Variants in RNF144B observed in about 807,000 individuals in gnomAD.
RNF144B encodes E3 ubiquitin-protein ligase RNF144B.
Under a neutral mutation model 40.2 loss-of-function variants are expected in RNF144B, and 25 were observed. That is an observed-to-expected ratio of 0.62 (90% CI 0.45 to 0.87). RNF144B has a LOEUF of 0.87. Among genes scored for constraint, RNF144B ranks in the 40% least tolerant of loss-of-function variants. The pLI is 0.00. For missense variants in RNF144B, 365 were observed against 373.7 expected (o/e 0.98, Z 0.19); for synonymous variants, 145 against 136.3 (o/e 1.06, Z -0.44).
At chr6:18,399,405 G>A (rs1488384184) in intron 1 of RNF144B, 94 bp from the exon 2 acceptor site, 3 of 869,504 alleles carry the variant, frequency 3.5e-6, no homozygotes, top group African/African-American at 3.4e-5. Flanking sequence ...GGATAACTGA[G>A]GGTGAGAATT....
In RNF144B at chr6:18,464,485, T is replaced by C. The variant is rs1759532871; in HGVS notation, c.772-442T>C. Among the ~76,000 whole-genome samples the C allele has an allele frequency of 1.3e-5, 2 of 152,208 alleles. No individual in the cohort carries two copies. The highest frequency in any genetic ancestry group is 2.9e-5 in the Non-Finnish European group (2 of 68,040). On this transcript the variant is annotated intron_variant, in intron 7 of 7. Transcript: ENST00000259939. The surrounding 1 kb of genome is among the most constrained non-coding windows in gnomAD (Gnocchi z 6.1). ...GTTCTGTGTGCCTGAGATGATGTCT[T>C]GTTCAGGCTGCTATAACAAATGACC...
chr6:18,400,272 CA>C lies in RNF144B; in HGVS notation c.165+590del, dbSNP rs11330587. 0.47 allele frequency among the ~76,000 whole-genome samples: 53,863 copies of C among 115,164 alleles called. 9,498 individuals carry two copies. The highest frequency in any genetic ancestry group is 0.56 in the South Asian group (2,154 of 3,836). The allele number at this position is 115,164 out of a possible 152,430, so 75.6% of individuals were successfully genotyped here. Reference sequence around the variant, plus strand: ...TGGGCGACAGAGCGAGACTCTGTCTCAAAAAAAAAAAAAAAAATTTAACATG... The same window carrying C: ...TGGGCGACAGAGCGAGACTCTGTCTCAAAAAAAAAAAAAAAATTTAACATG... On this transcript the variant is annotated intron_variant, in intron 2 of 7. Transcript: ENST00000259939. This position sits in a 1 kb window ranked among gnomAD's most constrained non-coding sequence, Gnocchi z 5.6.
Position 18,448,819 on chromosome 6 carries a change from A to G in RNF144B, c.332-8336A>G, listed in dbSNP as rs1010632463. ...TTCATTTTTATGCTGGTCACAACCTATTAAACTGATACCTCAATCCCCATT... is the reference window on the plus strand; with the variant it reads ...TTCATTTTTATGCTGGTCACAACCTGTTAAACTGATACCTCAATCCCCATT... On this transcript the variant is annotated intron_variant, in intron 4 of 7. Transcript: ENST00000259939. This position sits in a 1 kb window ranked among gnomAD's most constrained non-coding sequence, Gnocchi z 4.0. 1.3e-5 allele frequency among the ~76,000 whole-genome samples: 2 copies of G among 152,094 alleles called. No individual in the cohort carries two copies. The highest frequency in any genetic ancestry group is 2.4e-5 in the African/African-American group (1 of 41,414).
chr6:18,411,838 A>G (rs1297551900), intron 2 of RNF144B, among the ~76,000 whole-genome samples: 2 of 152,132 alleles, frequency 1.3e-5, no homozygotes, highest in Non-Finnish European at 2.9e-5. Flanking sequence ...ACTTACGCAC[A>G]TCACTTAATA....
intron 4 of RNF144B, among the ~76,000 whole-genome samples, chr6:18,455,052 T>C (rs1317260392): frequency 6.6e-6 from 1 of 152,250 alleles, no homozygotes; most frequent in Non-Finnish European, 1.5e-5. Context: ...ATACTAACCT[T>C]CATTTCTTTG....
chr6:18,457,055 T>C lies in RNF144B; in HGVS notation c.332-100T>C, dbSNP rs1257588383. On this transcript the variant is annotated intron_variant, in intron 4 of 7. Coordinates refer to ENST00000259939, the MANE Select transcript of RNF144B (RefSeq NM_182757.4). The surrounding 1 kb of genome is among the most constrained non-coding windows in gnomAD (Gnocchi z 5.1). ...CAGCCTGGGCGACAGAGTGAGACTC[T>C]GGTTCCAAATAAATTAAATAAATAA... 4 of 995,146 alleles carry C rather than the reference T, an allele frequency of 4.0e-6. No homozygotes were observed. The highest frequency in any genetic ancestry group is 6.4e-6 in the Non-Finnish European group (4 of 622,962). 61.6% of individuals were successfully genotyped at this position (995,146 alleles called of 1,614,324 possible). A position where few individuals can be genotyped will look rare whatever the true frequency, so the allele number is the denominator to read the frequency against.
rs771302398 is a variant in RNF144B, at chr6:18,459,636, C to G, written c.566C>G (p.Pro189Arg). Reference protein sequence around the residue: ...RALFGTDAEAPIKQCPVCRVY... With the variant: ...RALFGTDAEARIKQCPVCRVY... The stretch of plus-strand genomic sequence containing the variant: ...CTCTTTGGGACAGATGCAGAAGCCC[C>G]CATTAAGCAGTGCCCAGTTTGCCGG... Residue 189 changes from proline (P) to arginine (R), a missense_variant, in exon 6 of 8, where the codon CCC becomes CGC. Physicochemically the swap from Pro to Arg is moderately radical, Grantham distance 103. Coordinates refer to ENST00000259939, the MANE Select transcript of RNF144B (RefSeq NM_182757.4). The surrounding 1 kb of genome is among the most constrained non-coding windows in gnomAD (Gnocchi z 4.2). 2 of 1,613,786 alleles carry G rather than the reference C, an allele frequency of 1.2e-6. No homozygotes were observed. The highest frequency in any genetic ancestry group is 2.7e-5 in the African/African-American group (2 of 74,902).
At position 18,447,250 on chromosome 6, in the gene RNF144B, G is replaced by A. The variant is rs903179784; in HGVS notation, c.331+7506G>A. On this transcript the variant is annotated intron_variant, in intron 4 of 7. Transcript: ENST00000259939. The surrounding 1 kb of genome is among the most constrained non-coding windows in gnomAD (Gnocchi z 5.6). ...GTGAGCAAGCCATATGGATACTTAC[G>A]GGAAGAACATCATTTCAGGCAGAGG... Among the ~76,000 whole-genome samples, 2 of 152,048 alleles carry A rather than the reference G, an allele frequency of 1.3e-5. No homozygotes were observed. The highest frequency in any genetic ancestry group is 6.6e-5 in the Admixed American group (1 of 15,252).
At chr6:18,421,887 C>A (rs1758436986) in intron 2 of RNF144B, among the ~76,000 whole-genome samples, 1 of 152,108 alleles carries the variant, frequency 6.6e-6, no homozygotes. Flanking sequence ...AAACCAAGGT[C>A]TCTTTTAAAC....
At position 18,442,659 on chromosome 6, in the gene RNF144B, C is replaced by A. The variant is rs1313584030; in HGVS notation, c.331+2915C>A. 1.3e-5 allele frequency among the ~76,000 whole-genome samples: 2 copies of A among 152,170 alleles called. No individual in the cohort carries two copies. The highest frequency in any genetic ancestry group is 2.4e-5 in the African/African-American group (1 of 41,452). On this transcript the variant is annotated intron_variant, in intron 4 of 7. Transcript: ENST00000259939. The surrounding 1 kb of genome is among the most constrained non-coding windows in gnomAD (Gnocchi z 4.3). ...AGCCATCACCACTGCTTCTAAAGCTCTTTCATGATCCCAAATTCTGTAGCC... is the reference window on the plus strand; with the variant it reads ...AGCCATCACCACTGCTTCTAAAGCTATTTCATGATCCCAAATTCTGTAGCC...
rs1759373448 is a variant in RNF144B at position 18,458,195 on chromosome 6, C to G, written c.536+836C>G. On this transcript the variant is annotated intron_variant, in intron 5 of 7. Coordinates refer to ENST00000259939, the MANE Select transcript of RNF144B (RefSeq NM_182757.4). The surrounding 1 kb of genome is among the most constrained non-coding windows in gnomAD (Gnocchi z 4.8). ...TCAAGTGATCCACCCGCCTAGGCCT[C>G]CCAAAGTGCTAGGATTACAGACATA... Among the ~76,000 whole-genome samples, 1 of 152,128 alleles carries G rather than the reference C, an allele frequency of 6.6e-6. No homozygotes were observed. Among genetic ancestry groups the G allele is most frequent in the Non-Finnish European group, 1.5e-5 (1 of 68,032 alleles).
chr6:18,458,637 T>A lies in RNF144B; in HGVS notation c.537-970T>A, dbSNP rs1759386534. 6.6e-6 allele frequency among the ~76,000 whole-genome samples: 1 copy of A among 152,164 alleles called. No individual in the cohort carries two copies. On this transcript the variant is annotated intron_variant, in intron 5 of 7. Transcript: ENST00000259939. The surrounding 1 kb of genome is among the most constrained non-coding windows in gnomAD (Gnocchi z 4.8). ...TTTGCATTCTGACATTGTCACTCGGTATCTGTGTGTCTCATAGAAGCCACT... is the reference window on the plus strand; with the variant it reads ...TTTGCATTCTGACATTGTCACTCGGAATCTGTGTGTCTCATAGAAGCCACT...
At chr6:18,436,625 A>C (rs926179026) in intron 3 of RNF144B, among the ~76,000 whole-genome samples, 1 of 152,148 alleles carries the variant, frequency 6.6e-6, no homozygotes, top group Non-Finnish European at 1.5e-5. Flanking sequence ...GGTTGGCAGA[A>C]AGAAGATAAA....
Position 18,448,995 on chromosome 6 carries a change from A to G in RNF144B, c.332-8160A>G, listed in dbSNP as rs1759148418. On this transcript the variant is annotated intron_variant, in intron 4 of 7. Coordinates refer to ENST00000259939, the MANE Select transcript of RNF144B (RefSeq NM_182757.4). The surrounding 1 kb of genome is among the most constrained non-coding windows in gnomAD (Gnocchi z 4.0). ...AGGCACTGTGTTAAGTGTCTCGTTT[A>G]CAGTGTCTATTCAATCTTGAACATC... Among the ~76,000 whole-genome samples the G allele has an allele frequency of 6.6e-6, 1 of 152,222 alleles. No individual in the cohort carries two copies. Among genetic ancestry groups the G allele is most frequent in the South Asian group, 2.1e-4 (1 of 4,832 alleles).
chr6:18,396,614 C>T, intron 1 of RNF144B: 2 of 985,168 alleles, frequency 2.0e-6, no homozygotes, highest in Non-Finnish European at 2.4e-6. Context: ...CATTTACTAC[C>T]TACGTTTCTT....
chr6:18,417,110 TAAA>T (rs988732526), intron 2 of RNF144B, among the ~76,000 whole-genome samples: 1 of 152,128 alleles, frequency 6.6e-6, no homozygotes, highest in Non-Finnish European at 1.5e-5. Flanking sequence ...TTTAAAAGAC[TAAA>T]TAAAAGATAT....
chr6:18,453,415 G>T (rs928276824), intron 4 of RNF144B, among the ~76,000 whole-genome samples: 2 of 152,208 alleles, frequency 1.3e-5, no homozygotes, highest in Admixed American at 1.3e-4. Context: ...TGGGACTACA[G>T]GCATGAGCTA....
chr6:18,403,964 G>A (rs1057082448), intron 2 of RNF144B, among the ~76,000 whole-genome samples: 2 of 152,118 alleles, frequency 1.3e-5, no homozygotes, highest in African/African-American at 4.8e-5. Context: ...ATTCATTCTC[G>A]CCACAGCAAG....
At position 18,457,188 on chromosome 6, in the gene RNF144B, C is replaced by G. The variant is rs765969939; in HGVS notation, c.365C>G (p.Pro122Arg). The G allele has an allele frequency of 3.1e-6, 5 of 1,613,938 alleles. No individual in the cohort carries two copies. The African/African-American group carries it at 6.7e-5, about 22-fold the overall frequency. Residue 122 changes from proline to arginine, a missense_variant, in exon 5 of 8, where the codon CCT (proline) becomes CGT (arginine). Transcript: ENST00000259939. This position sits in a 1 kb window ranked among gnomAD's most constrained non-coding sequence, Gnocchi z 5.1. ...CTGGACCCCTACCGAACATGGTGTC[C>G]TGTTGCAGACTGTCAGACAGTGTGC... Reference protein sequence around the residue: ...VHLDPYRTWCPVADCQTVCPV... With the variant: ...VHLDPYRTWCRVADCQTVCPV...
Sources: gnomAD v4.1 joint callset for allele counts (sites outside exome capture counted in the v4.1 genomes callset) on GRCh38, gnomAD v4.1.1 for gene constraint, Gnocchi (gnomAD v3.1) non-coding constraint, MANE v1.5 for transcripts, NCBI Gene and HGNC (gene_info 2026-07-23, HGNC 2026-07-21) for gene names.